Variants in IFT88 observed in about 807,000 individuals in gnomAD.
IFT88 encodes the protein intraflagellar transport 88, also known as intraflagellar transport protein 88 homolog.
IFT88 carries 74 observed loss-of-function variants against 119.5 expected under a neutral mutation model. That is an observed-to-expected ratio of 0.62 (90% CI 0.51 to 0.75). The LOEUF is 0.75. Among genes scored for constraint, IFT88 ranks in the 30% least tolerant of loss-of-function variants. The pLI is 0.00. For missense variants in IFT88, 961 were observed against 977.7 expected, an observed-to-expected ratio of 0.98 and a Z score of 0.23; for synonymous variants, 279 against 316.7, an observed-to-expected ratio of 0.88 and a Z score of 1.26.
chr13:20,616,476 T>C (rs1417472128), intron 14 of IFT88, among the ~76,000 whole-genome samples: 1 of 152,240 alleles, frequency 6.6e-6, no homozygotes, highest in Non-Finnish European at 1.5e-5. Context: ...CATTGTGTTA[T>C]ATTTTCTTGT....
chr13:20,607,363 A>G, intron 13 of IFT88: 1 of 567,728 alleles, frequency 1.8e-6, no homozygotes, highest in Non-Finnish European at 3.4e-6. Context: ...TGTCCTATGC[A>G]CACACCATTA....
chr13:20,681,818 A>G (rs1197612012), intron 24 of IFT88, among the ~76,000 whole-genome samples: 6 of 152,234 alleles, frequency 3.9e-5, no homozygotes, highest in Non-Finnish European at 8.8e-5. Context: ...CAGCACCTCA[A>G]TTACAGCTAC....
Position 20,691,091 on chromosome 13 carries a change from A to G in IFT88, c.2391A>G (p.Glu797=). ...TGGACCCACTTGGCCCTCAAATAGA[A>G]CGACCAAAAACTGCAGCCAAGAAAA... The part of the protein sequence containing the change: ...SYVDPLGPQI[E]RPKTAAKKRI... The change falls in exon 26 of 26, where the codon GAA becomes GAG. Residue 797 remains glutamate, a synonymous_variant. Coordinates refer to ENST00000351808, the MANE Select transcript of IFT88 (RefSeq NM_006531.5). 6.2e-7 allele frequency: 1 copy of G among 1,614,078 alleles called. No individual in the cohort carries two copies. Among genetic ancestry groups the G allele is most frequent in the Non-Finnish European group, 8.5e-7 (1 of 1,179,974 alleles).
intron 24 of IFT88, among the ~76,000 whole-genome samples, chr13:20,688,211 G>A (rs779560166): frequency 2.0e-5 from 3 of 152,204 alleles, no homozygotes; most frequent in Non-Finnish European, 2.9e-5. Context: ...GCCGGGCGTG[G>A]TAGCGCATGC....
chr13:20,690,769 A>C lies in IFT88; in HGVS notation c.2307A>C (p.Leu769Phe), dbSNP rs902158703. ...GERLSARLRA[L>F]PGTNEPYESS... is the part of the protein sequence containing the mutation. The stretch of plus-strand genomic sequence containing the variant: ...GACTAAGTGCCAGACTCAGAGCTTT[A>C]CCTGGGACAAATGAACCTTATGAAA... The change falls in exon 25 of 26, where the codon TTA becomes TTC. Residue 769 changes from leucine to phenylalanine, a missense_variant. By Grantham distance (22) the Leu-to-Phe change is conservative. Coordinates refer to ENST00000351808, the MANE Select transcript of IFT88 (RefSeq NM_006531.5). The C allele has an allele frequency of 3.1e-6, 5 of 1,613,838 alleles. No homozygotes were observed. Among genetic ancestry groups the C allele is most frequent in the Non-Finnish European group, 3.4e-6 (4 of 1,179,830 alleles).
At chr13:20,622,524 A>G (rs538981148) in intron 14 of IFT88, among the ~76,000 whole-genome samples, 154 of 152,298 alleles carry the variant, frequency 1.0e-3, no homozygotes, top group Non-Finnish European at 1.5e-3. Flanking sequence ...GGCCTTTCTA[A>G]TAAGCGTATG....
chr13:20,573,784 T>G (rs1400187582), intron 1 of IFT88, among the ~76,000 whole-genome samples: 1 of 152,196 alleles, frequency 6.6e-6, no homozygotes, highest in Admixed American at 6.5e-5. Flanking sequence ...AATTGACTGT[T>G]GCATACCTTT....
chr13:20,597,536 A>G (rs569191257), intron 9 of IFT88, among the ~76,000 whole-genome samples: 1 of 152,148 alleles, frequency 6.6e-6, no homozygotes, highest in Admixed American at 6.5e-5. Flanking sequence ...CAAGGTCAGG[A>G]AATCGAGACC....
At chr13:20,603,015 A>T (rs183050478) in intron 12 of IFT88, among the ~76,000 whole-genome samples, 1 of 152,246 alleles carries the variant, frequency 6.6e-6, no homozygotes, top group Non-Finnish European at 1.5e-5. Context: ...AGCTATGCAC[A>T]CTTATACATG....
At chr13:20,597,467 G>T (rs367982584) in intron 9 of IFT88, among the ~76,000 whole-genome samples, 2 of 152,022 alleles carry the variant, frequency 1.3e-5, no homozygotes, top group African/African-American at 2.4e-5. Flanking sequence ...ATATGTAGCC[G>T]GGTGCCGTGG....
chr13:20,656,367 A>G lies in IFT88; in HGVS notation c.2005A>G (p.Asn669Asp), dbSNP rs1296554556. 7.1e-7 allele frequency: 1 copy of G among 1,413,596 alleles called. No homozygotes were observed. Among genetic ancestry groups the G allele is most frequent in the Non-Finnish European group, 9.7e-7 (1 of 1,028,662 alleles). 87.6% of individuals were successfully genotyped at this position (1,413,596 alleles called of 1,614,324 possible). A position where few individuals can be genotyped will look rare whatever the true frequency, so the allele number is the denominator to read the frequency against. ...ATTTTTCTCTTGTTTGTTTATAGGT[A>G]ACTACCAAAAAGCATTAGATACTTA... is the stretch of plus-strand genomic sequence containing the variant. ...MVASCFRRSGNYQKALDTYKD... is the reference protein window; with the variant it reads ...MVASCFRRSGDYQKALDTYKD... Residue 669 changes from asparagine (N) to aspartate (D), a missense_variant and splice_region_variant, in exon 22 of 26, where the codon AAC (asparagine) becomes GAC (aspartate). By Grantham distance (23) the Asn-to-Asp change is conservative. Transcript: ENST00000351808.
intron 24 of IFT88, among the ~76,000 whole-genome samples, chr13:20,671,919 C>G (rs542307539): frequency 5.9e-5 from 9 of 152,304 alleles, no homozygotes; most frequent in East Asian, 1.9e-4. Flanking sequence ...GTTAGGCAGG[C>G]CTTTCATCCA....
At chr13:20,609,724 A>G (rs570509075) in intron 13 of IFT88, among the ~76,000 whole-genome samples, 7 of 152,298 alleles carry the variant, frequency 4.6e-5, no homozygotes, top group African/African-American at 1.7e-4. Flanking sequence ...AGCCTGGCCA[A>G]TAGAGTGAGA....
chr13:20,617,357 G>T (rs965644281), intron 14 of IFT88, among the ~76,000 whole-genome samples: 1 of 152,122 alleles, frequency 6.6e-6, no homozygotes, highest in African/African-American at 2.4e-5. Flanking sequence ...AACTTTAGTT[G>T]GCCCCCACAC....
chr13:20,570,078 T>G (rs2035997936), intron 1 of IFT88, among the ~76,000 whole-genome samples: 1 of 151,892 alleles, frequency 6.6e-6, no homozygotes, highest in South Asian at 2.1e-4. Flanking sequence ...GAACAGACAT[T>G]TCTCCAAAGA....
At chr13:20,572,546 G>A (rs1244657510) in intron 1 of IFT88, among the ~76,000 whole-genome samples, 1 of 152,058 alleles carries the variant, frequency 6.6e-6, no homozygotes, top group Non-Finnish European at 1.5e-5. Flanking sequence ...TGTATTTTAA[G>A]CTAAATTACA....
chr13:20,652,429 G>C (rs1046902472), intron 20 of IFT88, among the ~76,000 whole-genome samples: 1 of 151,904 alleles, frequency 6.6e-6, no homozygotes, highest in Non-Finnish European at 1.5e-5. Context: ...TTGACCTCAA[G>C]AGTTTGAAAC....
chr13:20,681,970 C>G (rs1242961617), intron 24 of IFT88, among the ~76,000 whole-genome samples: 3 of 152,200 alleles, frequency 2.0e-5, no homozygotes, highest in Non-Finnish European at 4.4e-5. Flanking sequence ...CAGGGAGAAT[C>G]CAATTAGTTA....
At chr13:20,662,980 G>T (rs1027518423) in intron 22 of IFT88, among the ~76,000 whole-genome samples, 15 of 152,088 alleles carry the variant, frequency 9.9e-5, no homozygotes, top group Non-Finnish European at 2.1e-4. Flanking sequence ...TGATTATTTT[G>T]TATATATTTG....
Sources: allele counts gnomAD v4.1 joint callset (sites outside exome capture counted in the v4.1 genomes callset), GRCh38; gene constraint gnomAD v4.1.1; transcripts MANE v1.5; gene names NCBI Gene and HGNC (gene_info 2026-07-23, HGNC 2026-07-21).